The following CENPF variants were observed in gnomAD, a reference collection of about 807,000 sequenced individuals.
CENPF encodes the protein AH antigen.
Under a neutral mutation model 307.3 loss-of-function variants are expected in CENPF, and 214 were observed. The ratio of observed to expected loss-of-function variants is 0.70; its 90% confidence interval spans 0.62 to 0.78. The LOEUF is 0.78. Ranked by LOEUF, CENPF falls within the 30% of genes least tolerant of loss-of-function variation. CENPF has a pLI of 0.00. For missense variants in CENPF, 3,401 were observed against 3,483.9 expected, an observed-to-expected ratio of 0.98 and a Z score of 0.60; for synonymous variants, 1,259 against 1,270.6, an observed-to-expected ratio of 0.99 and a Z score of 0.19.
rs1055200075 is a variant in CENPF, at chr1:214,630,651, G to A, written c.1312G>A (p.Glu438Lys). 1 of 1,613,878 alleles carries A rather than the reference G, an allele frequency of 6.2e-7. No individual in the cohort carries two copies. The highest frequency in any genetic ancestry group is 8.5e-7 in the Non-Finnish European group (1 of 1,179,924). Residue 438 changes from glutamate (E) to lysine (K), a missense_variant, in exon 9 of 20, where the codon GAA (glutamate) becomes AAA (lysine). Coordinates refer to ENST00000366955, the MANE Select transcript of CENPF (RefSeq NM_016343.4). ...AKNMHNVLQA[E>K]LDKLTSVKQQ... is the part of the protein sequence containing the mutation. ...GAATATGCACAACGTCCTGCAGGCT[G>A]AACTGGATAAAGTAGGGGCCGTGTC... is the stretch of plus-strand genomic sequence containing the variant.
rs775300177 is a variant in CENPF, at chr1:214,641,708, G to A, written c.3370G>A (p.Glu1124Lys). ...AGATAACCAAAACAATTCTAAGAGC[G>A]AGGCTGGTGGTTTAAAGCAAGAAAT... The part of the protein sequence containing the change: ...MTDNQNNSKS[E>K]AGGLKQEIMT... The change falls in exon 12 of 20, where the codon GAG (glutamate) becomes AAG (lysine). Residue 1124 changes from glutamate to lysine, a missense_variant. Physicochemically the swap from Glu to Lys is moderately conservative, Grantham distance 56. Transcript: ENST00000366955. The A allele has an allele frequency of 1.4e-5, 22 of 1,579,874 alleles. No homozygotes were observed. The East Asian group carries it at 2.5e-4, about 18-fold the overall frequency.
intron 14 of CENPF, among the ~76,000 whole-genome samples, chr1:214,650,671 G>T (rs1658437790): frequency 6.6e-6 from 1 of 152,186 alleles, no homozygotes; most frequent in Non-Finnish European, 1.5e-5. Context: ...GGAGGCCGAG[G>T]TGAGCTGATA....
chr1:214,637,992 G>C lies in CENPF; in HGVS notation c.1573G>C (p.Glu525Gln). 6.2e-7 allele frequency: 1 copy of C among 1,608,398 alleles called. No homozygotes were observed. The highest frequency in any genetic ancestry group is 1.1e-5 in the South Asian group (1 of 89,476). Residue 525 changes from glutamate (E) to glutamine (Q), a missense_variant, in exon 11 of 20, where the codon GAA becomes CAA. Physicochemically the swap from Glu to Gln is conservative, Grantham distance 29. Transcript: ENST00000366955. The stretch of plus-strand genomic sequence containing the variant: ...AAATCAGAGCCAGAATTTTGCAGAA[G>C]AAATGAAAGGTAAGTAAACTTAGTA... ...CLNQSQNFAEEMKAKNTSQET... is the reference protein window; with the variant it reads ...CLNQSQNFAEQMKAKNTSQET...
In CENPF at chr1:214,652,286, T is replaced by C. The variant is rs568236226; in HGVS notation, c.8160+400T>C. Among the ~76,000 whole-genome samples the C allele has an allele frequency of 7.4e-4, 112 of 151,876 alleles. 1 individual carries two copies. Among genetic ancestry groups the C allele is most frequent in the Admixed American group, 6.6e-4 (10 of 15,250 alleles). Reference sequence around the variant, plus strand: ...TCCTGATCTTGTGATCTGCCCACCTTGGCCTCCCAAAGTGCTGGGATTACA... The same window carrying C: ...TCCTGATCTTGTGATCTGCCCACCTCGGCCTCCCAAAGTGCTGGGATTACA... On this transcript the variant is annotated intron_variant, in intron 15 of 19. Transcript: ENST00000366955.
chr1:214,653,266 A>G (rs2102414722), intron 16 of CENPF, among the ~76,000 whole-genome samples: 1 of 152,316 alleles, frequency 6.6e-6, no homozygotes, highest in South Asian at 2.1e-4. Context: ...ATCCAGCCAC[A>G]CAGCAGATGA....
In CENPF at chr1:214,659,917, C is replaced by T. The variant is rs1314724141; in HGVS notation, c.9141+889C>T. ...ACAGTCTGTGATTTTACCTTGATTG[C>T]TCACTTGTCAGAGTTTGATCAAGTA... On this transcript the variant is annotated intron_variant, in intron 19 of 19. Transcript: ENST00000366955. The surrounding 1 kb of genome is among the most constrained non-coding windows in gnomAD (Gnocchi z 4.4). Among the ~76,000 whole-genome samples the T allele has an allele frequency of 6.6e-6, 1 of 152,080 alleles. No individual in the cohort carries two copies. Among genetic ancestry groups the T allele is most frequent in the Non-Finnish European group, 1.5e-5 (1 of 68,026 alleles).
chr1:214,639,682 AAAG>A (rs1658053293), intron 11 of CENPF, among the ~76,000 whole-genome samples: 1 of 152,212 alleles, frequency 6.6e-6, no homozygotes, highest in South Asian at 2.1e-4. Flanking sequence ...AAGCTGCTAG[AAAG>A]AAGATGAACA....
At chr1:214,621,559 G>T (rs1264625758) in intron 6 of CENPF, among the ~76,000 whole-genome samples, 1 of 152,188 alleles carries the variant, frequency 6.6e-6, no homozygotes, top group Non-Finnish European at 1.5e-5. Flanking sequence ...AATGTTGTGC[G>T]TATGTGGGAA....
intron 7 of CENPF, among the ~76,000 whole-genome samples, chr1:214,628,202 G>A (rs1416619625): frequency 1.3e-5 from 2 of 152,262 alleles, no homozygotes; most frequent in Admixed American, 6.5e-5. Context: ...ACTGATAATA[G>A]AATGTTGTTT....
At chr1:214,610,402 T>TAACAAA (rs1657166327) in intron 1 of CENPF, among the ~76,000 whole-genome samples, 1 of 152,196 alleles carries the variant, frequency 6.6e-6, no homozygotes. Context: ...GAGATGGTAT[T>TAACAAA]TCATTGTGGT....
Position 214,641,520 on chromosome 1 carries a change from C to T in CENPF, c.3182C>T (p.Thr1061Ile), listed in dbSNP as rs1415906024. The T allele has an allele frequency of 7.2e-6, 11 of 1,519,958 alleles. No individual in the cohort carries two copies. Among genetic ancestry groups the T allele is most frequent in the African/African-American group, 5.6e-5 (4 of 71,432 alleles). The allele number at this position is 1,519,958 out of a possible 1,614,324, so 94.2% of individuals were successfully genotyped here. ...SKLECLLNEC[T>I]SLCENRKNEL... is the part of the protein sequence containing the mutation. ...TTAGAATGCTTGCTAAATGAATGCA[C>T]TAGTCTTTGTGAAAATAGGAAAAAT... is the stretch of plus-strand genomic sequence containing the variant. The change falls in exon 12 of 20, where the codon ACT (threonine) becomes ATT (isoleucine). Residue 1061 changes from threonine (T) to isoleucine (I), a missense_variant. Thr to Ile is a moderately conservative substitution (Grantham distance 89). Transcript: ENST00000366955.
chr1:214,635,098 G>C (rs1180213132), intron 10 of CENPF, among the ~76,000 whole-genome samples: 1 of 152,210 alleles, frequency 6.6e-6, no homozygotes, highest in Non-Finnish European at 1.5e-5. Context: ...GTCAAGATGA[G>C]GGAACACTTG....
Position 214,657,338 on chromosome 1 carries a change from G to GT in CENPF, c.8892dup (p.Ile2965TyrfsTer11). The GT allele has an allele frequency of 6.2e-7, 1 of 1,613,574 alleles. No homozygotes were observed. ...AAAAGCAAGAAAGCAGTCATGAGTG[G>GT]TATTCACCCTGCAGAAGACACGGAA... On this transcript the variant is annotated frameshift_variant, in exon 18 of 20. Coordinates refer to ENST00000366955, the MANE Select transcript of CENPF (RefSeq NM_016343.4). LOFTEE classifies it high-confidence loss of function.
Position 214,641,474 on chromosome 1 carries a change from G to A in CENPF, c.3136G>A (p.Ala1046Thr), listed in dbSNP as rs745380426. Residue 1046 changes from alanine (A) to threonine (T), a missense_variant, in exon 12 of 20, where the codon GCA (alanine) becomes ACA (threonine). Ala to Thr is a moderately conservative substitution (Grantham distance 58). Coordinates refer to ENST00000366955, the MANE Select transcript of CENPF (RefSeq NM_016343.4). ...YEDLSQKYKA[A>T]QEKNSKLECL... ...GGATCTTAGTCAAAAATACAAAGCA[G>A]CACAGGAAAAGAATTCTAAATTAGA... 2.0e-6 allele frequency: 3 copies of A among 1,534,504 alleles called. No homozygotes were observed. Among genetic ancestry groups the A allele is most frequent in the Non-Finnish European group, 2.6e-6 (3 of 1,149,444 alleles).
Position 214,652,915 on chromosome 1 carries a change from A to G in CENPF, c.8248A>G (p.Lys2750Glu). Residue 2750 changes from lysine (K) to glutamate (E), a missense_variant, in exon 16 of 20, where the codon AAG becomes GAG. Lys to Glu is a moderately conservative substitution (Grantham distance 56). Coordinates refer to ENST00000366955, the MANE Select transcript of CENPF (RefSeq NM_016343.4). ...ACAGAAGCTGGAGATAGACCTTTTA[A>G]AGTCTAGTAAAGAAGAGCTCAATAA... is the stretch of plus-strand genomic sequence containing the variant. The part of the protein sequence containing the change: ...SSQKLEIDLL[K>E]SSKEELNNSL... 2 of 1,608,372 alleles carry G rather than the reference A, an allele frequency of 1.2e-6. No individual in the cohort carries two copies. Among genetic ancestry groups the G allele is most frequent in the East Asian group, 4.5e-5 (2 of 44,818 alleles).
At chr1:214,623,747 G>T (rs1409864352) in intron 7 of CENPF, among the ~76,000 whole-genome samples, 1 of 152,064 alleles carries the variant, frequency 6.6e-6, no homozygotes, top group Non-Finnish European at 1.5e-5. Flanking sequence ...CTCCAGACCT[G>T]GGGCTGGAAC....
Position 214,663,472 on chromosome 1 carries a change from T to C in CENPF, c.9142-119T>C, listed in dbSNP as rs1658836241. The C allele has an allele frequency of 3.1e-6, 3 of 979,448 alleles. No individual in the cohort carries two copies. The Admixed American group carries it at 7.2e-5, about 24-fold the overall frequency. 60.7% of individuals were successfully genotyped at this position (979,448 alleles called of 1,614,324 possible). A position where few individuals can be genotyped will look rare whatever the true frequency, so the allele number is the denominator to read the frequency against. ...CTCAAGGAAGAGGAAATACTTCAAT[T>C]ATATATAACTCCTAGAGAAGAAGAA... On this transcript the variant is annotated intron_variant, in intron 19 of 19. Coordinates refer to ENST00000366955, the MANE Select transcript of CENPF (RefSeq NM_016343.4).
At position 214,639,999 on chromosome 1, in the gene CENPF, A is replaced by G. The variant is rs761930793; in HGVS notation, c.1661A>G (p.Glu554Gly). The G allele has an allele frequency of 6.3e-7, 1 of 1,590,092 alleles. No individual in the cohort carries two copies. Among genetic ancestry groups the G allele is most frequent in the Admixed American group, 1.9e-5 (1 of 51,770 alleles). ...INQQENSLTL[E>G]KLKLAVADLE... ...CAGCAAGAAAACTCCTTGACTTTAG[A>G]AAAACTGAAGCTTGCTGTGGCTGAT... Residue 554 changes from glutamate (E) to glycine (G), a missense_variant, in exon 12 of 20, where the codon GAA (glutamate) becomes GGA (glycine). Transcript: ENST00000366955.
Position 214,646,087 on chromosome 1 carries a change from G to T in CENPF, c.6517G>T (p.Val2173Leu). ...LQMSEENQEL[V>L]ILDAENSKAE... ...GATGTCAGAAGAAAACCAGGAGCTAGTGATTCTTGATGCCGAGAATTCCAA... is the reference window on the plus strand; with the variant it reads ...GATGTCAGAAGAAAACCAGGAGCTATTGATTCTTGATGCCGAGAATTCCAA... Residue 2173 changes from valine (V) to leucine (L), a missense_variant, in exon 13 of 20, where the codon GTG becomes TTG. Transcript: ENST00000366955. 6.2e-7 allele frequency: 1 copy of T among 1,614,086 alleles called. No homozygotes were observed. The highest frequency in any genetic ancestry group is 8.5e-7 in the Non-Finnish European group (1 of 1,180,030).
Sources: allele counts gnomAD v4.1 joint callset (sites outside exome capture counted in the v4.1 genomes callset), GRCh38; gene constraint gnomAD v4.1.1; non-coding constraint Gnocchi (gnomAD v3.1); transcripts MANE v1.5; gene names NCBI Gene and HGNC (gene_info 2026-07-23, HGNC 2026-07-21).